The following FRMPD4 variants were observed in gnomAD, a reference collection of about 807,000 sequenced individuals.
The protein encoded by FRMPD4 is FERM and PDZ domain containing 4, also known as FERM and PDZ domain-containing protein 4.
Under a neutral mutation model 94.1 loss-of-function variants are expected in FRMPD4, and 22 were observed. The observed-to-expected ratio is 0.23, with a 90% CI of 0.17 to 0.33. FRMPD4 has a LOEUF of 0.33. Among genes scored for constraint, FRMPD4 ranks in the 10% least tolerant of loss-of-function variants. The probability of loss-of-function intolerance (pLI) is 1.00; values close to 1 mark genes in which losing one functional copy is unlikely to be tolerated. For missense variants in FRMPD4, 1,111 were observed against 1,339.9 expected (o/e 0.83, Z 2.67); for synonymous variants, 631 against 548.6 (o/e 1.15, Z -2.10).
chrX:12,482,927 G>A lies in FRMPD4; in HGVS notation c.42-15753G>A, dbSNP rs748832695. On this transcript the variant is annotated intron_variant, in intron 1 of 16. Transcript: ENST00000675598. ...GCTACCATATTGAGCAGAGCAAATT[G>A]ACAGAAAGTTTCTTGGAGGATGAAC... 1.1e-4 allele frequency among the ~76,000 whole-genome samples: 12 copies of A among 111,849 alleles called. No individual in the cohort carries two copies. In the South Asian group the frequency reaches 4.1e-3, roughly 38 times the overall value.
intron 3 of FRMPD4, among the ~76,000 whole-genome samples, chrX:11,999,464 A>G (rs2054512743): frequency 8.9e-6 from 1 of 112,408 alleles, no homozygotes; most frequent in South Asian, 3.7e-4. Flanking sequence ...CCATTGAATC[A>G]GAAAACCTTC....
intron 1 of FRMPD4, among the ~76,000 whole-genome samples, chrX:12,326,853 T>G (rs59155563): frequency 0.059 from 6,471 of 110,262 alleles, 500 homozygotes; most frequent in African/African-American, 0.2. Flanking sequence ...TAGTAGCTAC[T>G]CAGGAGGCTG....
intron 1 of FRMPD4, among the ~76,000 whole-genome samples, chrX:12,279,122 G>A (rs1347868423): frequency 2.7e-5 from 3 of 112,840 alleles, no homozygotes; most frequent in African/African-American, 9.6e-5. Context: ...TGCTTTTGGG[G>A]AACCCATCCT....
chrX:12,093,388 T>A (rs1187932243), intron 3 of FRMPD4, among the ~76,000 whole-genome samples: 1 of 111,094 alleles, frequency 9.0e-6, no homozygotes, highest in East Asian at 2.8e-4. Context: ...AGCCAGAGAA[T>A]AACCACATGT....
intron 3 of FRMPD4, among the ~76,000 whole-genome samples, chrX:11,994,718 T>C (rs998870699): frequency 4.5e-5 from 5 of 111,991 alleles, no homozygotes; most frequent in African/African-American, 1.6e-4. Flanking sequence ...TATTTTACAT[T>C]AGATCTAAAA....
At position 12,673,641 on chromosome X, in the gene FRMPD4, G is replaced by C. The variant is rs1315814630; in HGVS notation, c.423-1222G>C. On this transcript the variant is annotated intron_variant, in intron 4 of 16. Transcript: ENST00000675598. ...TGAATTCTCATTTGATTGCACTGTT[G>C]CTCTGTCCACTGCAGTCATTGGGCT... is the stretch of plus-strand genomic sequence containing the variant. 2.7e-5 allele frequency among the ~76,000 whole-genome samples: 3 copies of C among 111,921 alleles called. No individual in the cohort carries two copies. The Admixed American group carries it at 2.8e-4, about 11-fold the overall frequency.
At chrX:11,825,080 G>T (rs2053433887) in intron 1 of FRMPD4, among the ~76,000 whole-genome samples, 2 of 110,374 alleles carry the variant, frequency 1.8e-5, no homozygotes, top group Admixed American at 9.7e-5. Context: ...TTATGGTCTG[G>T]GTGCAGGAGA....
At chrX:12,261,346 G>T (rs2054185993) in intron 1 of FRMPD4, among the ~76,000 whole-genome samples, 1 of 111,820 alleles carries the variant, frequency 8.9e-6, no homozygotes, top group African/African-American at 3.2e-5. Flanking sequence ...GATTCTCTGG[G>T]CTATATTGAT....
At chrX:12,074,539 C>A (rs1335909499) in intron 3 of FRMPD4, among the ~76,000 whole-genome samples, 1 of 111,791 alleles carries the variant, frequency 8.9e-6, no homozygotes, top group Non-Finnish European at 1.9e-5. Context: ...CATCAGTCAG[C>A]AAGATAAGGT....
intron 9 of FRMPD4, among the ~76,000 whole-genome samples, chrX:12,697,396 T>C (rs149845666): frequency 0.052 from 5,867 of 112,227 alleles, 152 homozygotes; most frequent in Middle Eastern, 0.11. Context: ...TAAATAGTTA[T>C]AGGCGCTGGT....
chrX:12,716,001 T>TGGGCCCCCC, intron 14 of FRMPD4, 68 bp from the exon 15 acceptor site: 1 of 231,652 alleles, frequency 4.3e-6, no homozygotes, highest in Admixed American at 5.0e-5. Context: ...GAGACGAGCC[T>TGGGCCCCCC]CCCACCCCCG....
rs1218351407 is a variant in FRMPD4 at position 12,128,345 on chromosome X, A to G, written c.95+250327A>G. On this transcript the variant is annotated intron_variant, in intron 3 of 18. Transcript: ENST00000640291. ...TAAACTGCCAAGGCTTGGGGCTTGC[A>G]CCCTCTGAAGTAATGGCCTGAGCTA... Among the ~76,000 whole-genome samples, 5 of 109,515 alleles carry G rather than the reference A, an allele frequency of 4.6e-5. No homozygotes were observed. The East Asian group carries it at 1.6e-3, about 34-fold the overall frequency.
intron 3 of FRMPD4, among the ~76,000 whole-genome samples, chrX:11,911,549 G>A (rs1012235560): frequency 8.9e-6 from 1 of 112,044 alleles, no homozygotes; most frequent in Non-Finnish European, 1.9e-5. Flanking sequence ...GCAACTTGGA[G>A]AACTTCTTTG....
intron 1 of FRMPD4, among the ~76,000 whole-genome samples, chrX:12,219,454 A>C (rs1339920293): frequency 8.9e-6 from 1 of 112,247 alleles, no homozygotes; most frequent in Non-Finnish European, 1.9e-5. Context: ...ACTTTTGTAT[A>C]TTTAATGCAA....
intron 1 of FRMPD4, among the ~76,000 whole-genome samples, chrX:11,856,057 G>A (rs1444059100): frequency 8.9e-6 from 1 of 111,840 alleles, no homozygotes; most frequent in Non-Finnish European, 1.9e-5. Flanking sequence ...TTATAGAGGA[G>A]GGCACCTCTT....
At chrX:11,890,005 T>C (rs1365717459) in intron 3 of FRMPD4, among the ~76,000 whole-genome samples, 2 of 112,238 alleles carry the variant, frequency 1.8e-5, no homozygotes, top group Non-Finnish European at 3.8e-5. Context: ...TCCAAACAAG[T>C]AACAGGACAA....
intron 4 of FRMPD4, among the ~76,000 whole-genome samples, chrX:12,615,283 C>T: frequency 8.9e-6 from 1 of 112,236 alleles, no homozygotes; most frequent in Non-Finnish European, 1.9e-5. Flanking sequence ...TACAAACATA[C>T]AGTTCACTGA....
chrX:12,724,518 A>G lies in FRMPD4; in HGVS notation c.*2660A>G, dbSNP rs147105568. 1.2e-4 allele frequency: 14 copies of G among 112,320 alleles called. No individual in the cohort carries two copies. The highest frequency in any genetic ancestry group is 4.2e-4 in the African/African-American group (13 of 31,023). The allele number at this position is 112,320 out of a possible 1,213,427, so 9.3% of individuals were successfully genotyped here. On this transcript the variant is annotated 3_prime_UTR_variant, in exon 17 of 17. Transcript: ENST00000675598. ...TAAATAAATAAATGAATGAATGAAT[A>G]AATAAGCATATGCCTGGTGCATGCA...
At chrX:12,427,401 T>C (rs1046557204) in intron 1 of FRMPD4, among the ~76,000 whole-genome samples, 5 of 111,247 alleles carry the variant, frequency 4.5e-5, no homozygotes, top group Non-Finnish European at 7.5e-5. Flanking sequence ...ACAAGTACTA[T>C]GCAAACACCT....
Sources: gnomAD v4.1 joint callset for allele counts (sites outside exome capture counted in the v4.1 genomes callset) on GRCh38, gnomAD v4.1.1 for gene constraint, MANE v1.5 for transcripts, NCBI Gene and HGNC (gene_info 2026-07-23, HGNC 2026-07-21) for gene names.